The following SPTBN4 variants were observed in gnomAD, a reference collection of about 807,000 sequenced individuals.
SPTBN4 encodes spectrin beta, non-erythrocytic 4, also known as spectrin beta chain, non-erythrocytic 4.
Under a neutral mutation model 277.8 loss-of-function variants are expected in SPTBN4, and 96 were observed. That is an observed-to-expected ratio of 0.35 (90% CI 0.29 to 0.41). SPTBN4 has a LOEUF of 0.41. Among genes scored for constraint, SPTBN4 ranks in the 10% least tolerant of loss-of-function variants. The pLI, the probability that SPTBN4 is intolerant of heterozygous loss-of-function variation, is 1.00. For synonymous variants in SPTBN4, 1,481 were observed against 1,580.3 expected (o/e 0.94, Z 1.49); for missense variants, 3,006 against 3,595.7 (o/e 0.84, Z 4.19).
Position 40,560,059 on chromosome 19 carries a change from C to T in SPTBN4, c.5671-100C>T. The T allele has an allele frequency of 6.9e-7, 1 of 1,445,576 alleles. No individual in the cohort carries two copies. The highest frequency in any genetic ancestry group is 1.5e-5 in the South Asian group (1 of 68,874). 89.5% of individuals were successfully genotyped at this position (1,445,576 alleles called of 1,614,324 possible). A position where few individuals can be genotyped will look rare whatever the true frequency, so the allele number is the denominator to read the frequency against. ...CTGGCTGTGGGATCACAGTGTGAGG[C>T]TCCTTATATCTTGAGGTTCTGCGCT... On this transcript the variant is annotated intron_variant, in intron 26 of 35. Coordinates refer to ENST00000598249, the MANE Select transcript of SPTBN4 (RefSeq NM_020971.3). This position sits in a 1 kb window ranked among gnomAD's most constrained non-coding sequence, Gnocchi z 5.2.
At chr19:40,473,538 C>G (rs970056658) in intron 2 of SPTBN4, among the ~76,000 whole-genome samples, 2 of 151,354 alleles carry the variant, frequency 1.3e-5, no homozygotes, top group Non-Finnish European at 2.9e-5. Flanking sequence ...TGTATTTTTA[C>G]TAGAGACGGG....
intron 2 of SPTBN4, among the ~76,000 whole-genome samples, chr19:40,478,120 A>T (rs2079969603): frequency 6.6e-6 from 1 of 152,134 alleles, no homozygotes; most frequent in African/African-American, 2.4e-5. Context: ...GATTACAAGC[A>T]TAAGCCACTG....
chr19:40,542,078 C>T (rs926430982), intron 20 of SPTBN4, among the ~76,000 whole-genome samples: 2 of 152,122 alleles, frequency 1.3e-5, no homozygotes, highest in Non-Finnish European at 2.9e-5. Context: ...TGAGCCACCA[C>T]GCCCGGCTAA....
intron 2 of SPTBN4, among the ~76,000 whole-genome samples, chr19:40,474,135 A>G (rs1274343117): frequency 2.7e-5 from 4 of 145,460 alleles, no homozygotes; most frequent in South Asian, 2.3e-4. Flanking sequence ...CCCAGCAGTA[A>G]AGCAAGAACC....
At chr19:40,531,247 C>G (rs2080666704) in intron 18 of SPTBN4, among the ~76,000 whole-genome samples, 1 of 151,988 alleles carries the variant, frequency 6.6e-6, no homozygotes, top group African/African-American at 2.4e-5. Flanking sequence ...CCGTTGGACT[C>G]TTCCCTGCAC....
chr19:40,529,826 T>TC (rs1377300767), intron 18 of SPTBN4, among the ~76,000 whole-genome samples: 2 of 151,936 alleles, frequency 1.3e-5, no homozygotes, highest in Non-Finnish European at 2.9e-5. Context: ...CCCAGGATCA[T>TC]CCCCTCCTCC....
chr19:40,529,260 C>A lies in SPTBN4; in HGVS notation c.3948+129C>A, dbSNP rs1453141025. ...CGGAGCGATGCTCGCTCTAAGCCGC[C>A]AGGGGGCGCGCGGAGCCGGGTCTCA... On this transcript the variant is annotated intron_variant, in intron 18 of 35. Transcript: ENST00000598249. 3 of 843,654 alleles carry A rather than the reference C, an allele frequency of 3.6e-6. No homozygotes were observed. The East Asian group carries it at 8.4e-5, about 24-fold the overall frequency. The allele number at this position is 843,654 out of a possible 1,614,324, so 52.3% of individuals were successfully genotyped here. A position where few individuals can be genotyped will look rare whatever the true frequency, so the allele number is the denominator to read the frequency against.
intron 14 of SPTBN4, 26 bp downstream of exon 14, chr19:40,513,580 G>A (rs778280286): frequency 4.0e-6 from 6 of 1,509,358 alleles, no homozygotes; most frequent in South Asian, 1.2e-5. Flanking sequence ...TGGGACTCCG[G>A]GGTCCCCTTC....
intron 26 of SPTBN4, among the ~76,000 whole-genome samples, chr19:40,558,886 G>T (rs2081012214): frequency 1.4e-5 from 2 of 147,504 alleles, no homozygotes; most frequent in African/African-American, 2.5e-5. Flanking sequence ...GGGATTACAG[G>T]CATGAGCTAC....
rs1232158662 is a variant in SPTBN4, at chr19:40,560,616, T to C, written c.5915+213T>C. ...GGACTTCGGTCATGGGGCATCCTTC[T>C]GTCCGCTGTCCTTCCCAGTTGCCTA... On this transcript the variant is annotated intron_variant, in intron 27 of 35. Transcript: ENST00000598249. This position sits in a 1 kb window ranked among gnomAD's most constrained non-coding sequence, Gnocchi z 5.2. The C allele has an allele frequency of 6.9e-7, 1 of 1,438,956 alleles. No individual in the cohort carries two copies. The highest frequency in any genetic ancestry group is 1.4e-5 in the African/African-American group (1 of 69,940). The allele number at this position is 1,438,956 out of a possible 1,614,324, so 89.1% of individuals were successfully genotyped here. A position where few individuals can be genotyped will look rare whatever the true frequency, so the allele number is the denominator to read the frequency against.
Position 40,512,980 on chromosome 19 carries a change from G to A in SPTBN4, c.2191G>A (p.Ala731Thr), listed in dbSNP as rs1248233329. ...CGAGGAGCTGGTTGCGGCCGGCGGTGCCGTCGGCCCGGGAGCAGACACCGT... is the reference window on the plus strand; with the variant it reads ...CGAGGAGCTGGTTGCGGCCGGCGGTACCGTCGGCCCGGGAGCAGACACCGT... Reference protein sequence around the residue: ...CGEELVAAGGAVGPGADTVHL... With the variant: ...CGEELVAAGGTVGPGADTVHL... Residue 731 changes from alanine to threonine, a missense_variant, in exon 14 of 36, where the codon GCC becomes ACC. Transcript: ENST00000598249. 6 of 1,413,642 alleles carry A rather than the reference G, an allele frequency of 4.2e-6. No homozygotes were observed. The highest frequency in any genetic ancestry group is 5.5e-6 in the Non-Finnish European group (6 of 1,093,670). The allele number at this position is 1,413,642 out of a possible 1,614,324, so 87.6% of individuals were successfully genotyped here.
Position 40,502,961 on chromosome 19 carries a change from G to T in SPTBN4, c.1362+28G>T. 1 of 1,608,370 alleles carries T rather than the reference G, an allele frequency of 6.2e-7. No homozygotes were observed. Among genetic ancestry groups the T allele is most frequent in the Non-Finnish European group, 8.5e-7 (1 of 1,177,052 alleles). On this transcript the variant is annotated intron_variant, in intron 11 of 35. Transcript: ENST00000598249. This position sits in a 1 kb window ranked among gnomAD's most constrained non-coding sequence, Gnocchi z 4.9. ...ACAAGGTGTAGGGCTTGGCTCCAGGGTAAAGGGACGGAGGGCGGGGCTGAT... is the reference window on the plus strand; with the variant it reads ...ACAAGGTGTAGGGCTTGGCTCCAGGTTAAAGGGACGGAGGGCGGGGCTGAT...
At chr19:40,532,546 A>C in intron 18 of SPTBN4, 79 bp from the exon 19 acceptor site, 2 of 1,532,946 alleles carry the variant, frequency 1.3e-6, no homozygotes, top group South Asian at 2.5e-5. Context: ...CAGGCCCTGA[A>C]CCTGGGACTT....
At chr19:40,503,009 A>C (rs2080281614) in intron 11 of SPTBN4, 76 bp downstream of exon 11, 1 of 1,529,490 alleles carries the variant, frequency 6.5e-7, no homozygotes, top group Non-Finnish European at 8.8e-7. Flanking sequence ...AGAGAGGGAG[A>C]CTTGATCTTC....
At chr19:40,488,221 A>T (rs990369493) in intron 3 of SPTBN4, among the ~76,000 whole-genome samples, 1 of 151,738 alleles carries the variant, frequency 6.6e-6, no homozygotes, top group Admixed American at 6.6e-5. Flanking sequence ...ATGCTATAAA[A>T]CAGGGGCAGA....
Position 40,490,156 on chromosome 19 carries a change from G to A in SPTBN4, c.403G>A (p.Val135Met), listed in dbSNP as rs1405467847. 3.7e-6 allele frequency: 6 copies of A among 1,614,184 alleles called. No homozygotes were observed. The highest frequency in any genetic ancestry group is 1.7e-5 in the Admixed American group (1 of 60,020). The part of the protein sequence containing the change: ...KALQFLKEQR[V>M]HLENVGSHDI... Reference sequence around the variant, plus strand: ...GCTGCAGTTTCTGAAGGAGCAGCGCGTGCACCTGGAGAACGTGGGTTCGCA... The same window carrying A: ...GCTGCAGTTTCTGAAGGAGCAGCGCATGCACCTGGAGAACGTGGGTTCGCA... The change falls in exon 4 of 36, where the codon GTG (valine) becomes ATG (methionine). Residue 135 changes from valine (V) to methionine (M), a missense_variant. Val to Met is a conservative substitution (Grantham distance 21, BLOSUM62 1). Around this residue, in one of 5 missense-constraint regions of SPTBN4, gnomAD observed 114 missense variants for 196.1 expected, o/e 0.58. Coordinates refer to ENST00000598249, the MANE Select transcript of SPTBN4 (RefSeq NM_020971.3). This position sits in a 1 kb window ranked among gnomAD's most constrained non-coding sequence, Gnocchi z 4.3.
chr19:40,508,446 A>G (rs1293755850), intron 13 of SPTBN4, among the ~76,000 whole-genome samples: 1 of 152,092 alleles, frequency 6.6e-6, no homozygotes, highest in African/African-American at 2.4e-5. Context: ...CAGCACTTTG[A>G]GAGGCCAAGG....
At chr19:40,532,869 T>A in intron 19 of SPTBN4, 98 bp downstream of exon 19, 7 of 1,431,924 alleles carry the variant, frequency 4.9e-6, no homozygotes, top group Non-Finnish European at 6.5e-6. Context: ...ATCCTGCTGG[T>A]CTTACACCTC....
In SPTBN4 at chr19:40,560,018, C is replaced by T; in HGVS notation, c.5671-141C>T. 1 of 1,426,322 alleles carries T rather than the reference C, an allele frequency of 7.0e-7. No individual in the cohort carries two copies. The highest frequency in any genetic ancestry group is 9.1e-7 in the Non-Finnish European group (1 of 1,093,100). The allele number at this position is 1,426,322 out of a possible 1,614,324, so 88.4% of individuals were successfully genotyped here. ...GGTAAGTCAAAGAGAAATCAGGCAG[C>T]AGATATGACAGGAGCCTGGCTGTGG... On this transcript the variant is annotated intron_variant, in intron 26 of 35. Coordinates refer to ENST00000598249, the MANE Select transcript of SPTBN4 (RefSeq NM_020971.3). The surrounding 1 kb of genome is among the most constrained non-coding windows in gnomAD (Gnocchi z 5.2).
Sources: gnomAD v4.1 joint callset for allele counts (sites outside exome capture counted in the v4.1 genomes callset) on GRCh38, gnomAD v4.1.1 for gene constraint, gnomAD v4.1.1 regional missense constraint, Gnocchi (gnomAD v3.1) non-coding constraint, MANE v1.5 for transcripts, NCBI Gene and HGNC (gene_info 2026-07-23, HGNC 2026-07-21) for gene names.